MPPED2: variants seen among roughly 807,000 people sequenced by gnomAD.
The protein encoded by MPPED2 is metallophosphoesterase domain containing 2, also known as metallophosphoesterase MPPED2.
A neutral mutation model predicts 33.0 loss-of-function variants in MPPED2; 5 were observed. The ratio of observed to expected loss-of-function variants is 0.15; its 90% CI spans 0.08 to 0.32. The LOEUF (loss-of-function observed/expected upper bound fraction) is 0.32, where lower values mean the gene tolerates loss of function less well. Among genes scored for constraint, MPPED2 ranks in the 10% least tolerant of loss-of-function variants. The pLI, the probability that MPPED2 is intolerant of heterozygous loss-of-function variation, is 1.00. For missense variants in MPPED2, 275 were observed against 372.1 expected (o/e 0.74, Z 2.15); for synonymous variants, 136 against 141.9 (o/e 0.96, Z 0.29).
intron 2 of MPPED2, among the ~76,000 whole-genome samples, chr11:30,542,528 G>T (rs553426321): frequency 6.6e-6 from 1 of 151,168 alleles, no homozygotes; most frequent in East Asian, 1.9e-4. Context: ...TACTCAGAAG[G>T]CTGAGGTAAG....
intron 2 of MPPED2, among the ~76,000 whole-genome samples, chr11:30,550,114 C>G (rs955001378): frequency 6.6e-6 from 1 of 152,118 alleles, no homozygotes; most frequent in African/African-American, 2.4e-5. Flanking sequence ...GAAAGCAGTC[C>G]TCGCTGATAG....
At chr11:30,461,544 CTGTGACTCA>C (rs1565091235) in intron 4 of MPPED2, among the ~76,000 whole-genome samples, 11 of 152,132 alleles carry the variant, frequency 7.2e-5, no homozygotes, top group African/African-American at 2.7e-4. Context: ...TCCGTAGCTG[CTGTGACTCA>C]AACTACAACG....
chr11:30,572,705 CAG>C (rs1236859642), intron 2 of MPPED2, among the ~76,000 whole-genome samples: 1 of 152,140 alleles, frequency 6.6e-6, no homozygotes, highest in African/African-American at 2.4e-5. Context: ...TGCCATTTTA[CAG>C]AGTCCCAGAC....
chr11:30,387,063 C>G, exon 7 of MPPED2: 1 of 307,248 alleles, frequency 3.3e-6, no homozygotes, highest in Non-Finnish European at 5.9e-6. Context: ...ACAGCGTGCA[C>G]GCATATAAGC....
intron 4 of MPPED2, chr11:30,451,682 C>T: frequency 5.2e-6 from 5 of 953,496 alleles, no homozygotes; most frequent in Non-Finnish European, 6.2e-6. Context: ...TTACTATTTC[C>T]TTGTGTATTT....
intron 4 of MPPED2, among the ~76,000 whole-genome samples, chr11:30,432,675 T>C (rs1949134451): frequency 1.3e-5 from 2 of 152,188 alleles, no homozygotes; most frequent in African/African-American, 4.8e-5. Context: ...TTCCACCCTA[T>C]AAAATACACA....
intron 3 of MPPED2, among the ~76,000 whole-genome samples, chr11:30,502,066 T>C (rs1159233769): frequency 6.7e-6 from 1 of 150,216 alleles, no homozygotes; most frequent in Admixed American, 6.6e-5. Flanking sequence ...AAGTTAACCC[T>C]GGCTTAAAAA....
intron 4 of MPPED2, among the ~76,000 whole-genome samples, chr11:30,420,886 C>A (rs1033489278): frequency 1.3e-5 from 2 of 152,126 alleles, no homozygotes; most frequent in Non-Finnish European, 2.9e-5. Flanking sequence ...CAGTGACCCT[C>A]TTCTAAGGTT....
Position 30,410,713 on chromosome 11 carries a change from T to C in MPPED2, c.*755A>G, listed in dbSNP as rs1364490998. 4 of 984,006 alleles carry C rather than the reference T, an allele frequency of 4.1e-6. No homozygotes were observed. In the African/African-American group the frequency reaches 5.2e-5, roughly 13 times the overall value. The allele number at this position is 984,006 out of a possible 1,614,324, so 61.0% of individuals were successfully genotyped here. On this transcript the variant is annotated 3_prime_UTR_variant, in exon 7 of 7. Transcript: ENST00000358117. The stretch of plus-strand genomic sequence containing the variant: ...AGTCATAATACACAAAAAATACTTA[T>C]ATATATAAACCCATATTGAAAAGGA...
At chr11:30,486,230 G>T (rs1011964376) in intron 4 of MPPED2, among the ~76,000 whole-genome samples, 2 of 152,140 alleles carry the variant, frequency 1.3e-5, no homozygotes, top group Non-Finnish European at 2.9e-5. Context: ...AATAAATACA[G>T]GTTAAGACTG....
chr11:30,394,996 A>G (rs2133700207), intron 6 of MPPED2, among the ~76,000 whole-genome samples: 1 of 152,310 alleles, frequency 6.6e-6, no homozygotes, highest in African/African-American at 2.4e-5. Flanking sequence ...TTTTTCAAAA[A>G]CCAATTCGTC....
chr11:30,390,929 G>A (rs564775419), intron 6 of MPPED2, among the ~76,000 whole-genome samples: 7 of 152,120 alleles, frequency 4.6e-5, no homozygotes, highest in Non-Finnish European at 1.0e-4. Context: ...ATTCAAAGAC[G>A]ATGGAAGTGA....
upstream of MPPED2, chr11:30,586,792 C>T (rs1343358045): frequency 1.3e-5 from 2 of 152,218 alleles, no homozygotes; most frequent in Non-Finnish European, 1.5e-5. The surrounding 1 kb of genome is among the most constrained non-coding windows in gnomAD (Gnocchi z 4.8). Context: ...GCAGGGCTCA[C>T]CGCAGGGGTA....
intron 4 of MPPED2, among the ~76,000 whole-genome samples, chr11:30,431,902 C>T (rs1349241716): frequency 2.0e-5 from 3 of 152,104 alleles, no homozygotes; most frequent in South Asian, 2.1e-4. Flanking sequence ...CAGCCGGGCA[C>T]GGTGGCTCAC....
chr11:30,523,576 CTTG>C (rs1375892072), intron 3 of MPPED2, among the ~76,000 whole-genome samples: 1 of 151,594 alleles, frequency 6.6e-6, no homozygotes, highest in Non-Finnish European at 1.5e-5. Context: ...ACAACTTCCC[CTTG>C]TTGTAGAAAA....
chr11:30,413,124 G>C (rs1398556166), intron 6 of MPPED2, among the ~76,000 whole-genome samples: 1 of 152,190 alleles, frequency 6.6e-6, no homozygotes, highest in Non-Finnish European at 1.5e-5. Context: ...CCTGCCCTTG[G>C]AGCAAACTGA....
chr11:30,385,862 A>T (rs1224466079), exon 7 of MPPED2: 2 of 151,676 alleles, frequency 1.3e-5, no homozygotes, highest in Non-Finnish European at 2.9e-5. Flanking sequence ...CACCCTCCTT[A>T]ATGTCACTCA....
chr11:30,562,553 G>C (rs891455832), intron 2 of MPPED2, among the ~76,000 whole-genome samples: 12 of 152,076 alleles, frequency 7.9e-5, no homozygotes, highest in African/African-American at 2.9e-4. Context: ...TAAGGCAGAC[G>C]CCCAAAAAAT....
chr11:30,512,535 G>T (rs1161525041), intron 3 of MPPED2, among the ~76,000 whole-genome samples: 2 of 151,630 alleles, frequency 1.3e-5, no homozygotes, highest in Non-Finnish European at 2.9e-5. Flanking sequence ...AGGAGGGAGG[G>T]ATAAAGTTTT....
Sources: allele counts gnomAD v4.1 joint callset (sites outside exome capture counted in the v4.1 genomes callset), GRCh38; gene constraint gnomAD v4.1.1; non-coding constraint Gnocchi (gnomAD v3.1); transcripts MANE v1.5; gene names NCBI Gene and HGNC (gene_info 2026-07-23, HGNC 2026-07-21).